The following MAPRE2 variants were observed in gnomAD, a reference collection of about 807,000 sequenced individuals.
MAPRE2 encodes microtubule-associated protein RP/EB family member 2.
MAPRE2 carries 13 observed loss-of-function variants against 43.2 expected under a neutral mutation model. The ratio of observed to expected loss-of-function variants is 0.30; its 90% CI spans 0.20 to 0.48. MAPRE2 has a LOEUF of 0.48. Among genes scored for constraint, MAPRE2 ranks in the 20% least tolerant of loss-of-function variants. The probability of loss-of-function intolerance (pLI) is 0.99; values close to 1 mark genes in which losing one functional copy is unlikely to be tolerated. For missense variants in MAPRE2, 161 were observed against 400.2 expected, an observed-to-expected ratio of 0.40 and a Z score of 5.10; for synonymous variants, 135 against 148.8, an observed-to-expected ratio of 0.91 and a Z score of 0.68.
chr18:35,117,944 C>G (rs1310675110), intron 4 of MAPRE2, among the ~76,000 whole-genome samples: 1 of 152,134 alleles, frequency 6.6e-6, no homozygotes, highest in African/African-American at 2.4e-5. Flanking sequence ...CTGCATTTTT[C>G]CCCCTGTGAA....
chr18:35,059,310 C>A (rs369645184), intron 1 of MAPRE2, among the ~76,000 whole-genome samples: 2 of 151,414 alleles, frequency 1.3e-5, no homozygotes, highest in Admixed American at 6.5e-5. Context: ...CCAGACATTT[C>A]CCTACTCACC....
intron 1 of MAPRE2, among the ~76,000 whole-genome samples, chr18:34,989,765 C>T (rs959735272): frequency 2.0e-5 from 3 of 151,932 alleles, no homozygotes; most frequent in Non-Finnish European, 4.4e-5. Flanking sequence ...GCATCAGCAT[C>T]ACCTGGGAGC....
In MAPRE2 at chr18:34,985,272, A is replaced by ATATATTATAT. The variant is rs2097019179; in HGVS notation, c.-70+8193_-70+8194insTATATTATAT. On this transcript the variant is annotated intron_variant, in intron 1 of 7. Transcript: ENST00000413393. Reference sequence around the variant, plus strand: ...AAATATATAATATAATATATTATATAATATAATATATTATATATTATATTA... The same window carrying ATATATTATAT: ...AAATATATAATATAATATATTATATATATATTATATATATAATATATTATATATTATATTA... Among the ~76,000 whole-genome samples, 31 of 27,872 alleles carry ATATATTATAT rather than the reference A, an allele frequency of 1.1e-3. 3 individuals carry two copies. Among genetic ancestry groups the ATATATTATAT allele is most frequent in the Admixed American group, 3.2e-3 (4 of 1,268 alleles). 18.3% of individuals were successfully genotyped at this position (27,872 alleles called of 152,430 possible).
At chr18:35,083,551 A>C (rs550679320) in intron 2 of MAPRE2, among the ~76,000 whole-genome samples, 24 of 152,174 alleles carry the variant, frequency 1.6e-4, no homozygotes, top group Non-Finnish European at 3.2e-4. Flanking sequence ...GAAGCCAGTG[A>C]CATTTTGTCC....
intron 1 of MAPRE2, among the ~76,000 whole-genome samples, chr18:34,980,226 T>C (rs901785980): frequency 1.3e-5 from 2 of 151,984 alleles, no homozygotes; most frequent in Non-Finnish European, 2.9e-5. Context: ...GGTTTCACCA[T>C]GTTGGCCAGG....
intron 1 of MAPRE2, among the ~76,000 whole-genome samples, chr18:34,993,253 G>T (rs757977302): frequency 7.0e-6 from 1 of 143,352 alleles, no homozygotes; most frequent in Admixed American, 6.9e-5. Context: ...CACCATTCCC[G>T]CCTTTTTTTT....
intron 1 of MAPRE2, among the ~76,000 whole-genome samples, chr18:35,063,900 A>G (rs2150617373): frequency 6.7e-6 from 1 of 148,496 alleles, no homozygotes; most frequent in Non-Finnish European, 1.5e-5. Flanking sequence ...TGAGAGGCTG[A>G]GCTAAGAGCA....
intron 4 of MAPRE2, among the ~76,000 whole-genome samples, chr18:35,118,962 G>C (rs1909546024): frequency 6.6e-6 from 1 of 152,148 alleles, no homozygotes; most frequent in Admixed American, 6.5e-5. Flanking sequence ...TACTGTGAGA[G>C]ACCTTGAAGA....
chr18:35,073,216 T>C (rs1191576611), intron 2 of MAPRE2, among the ~76,000 whole-genome samples: 1 of 152,204 alleles, frequency 6.6e-6, no homozygotes, highest in Non-Finnish European at 1.5e-5. Flanking sequence ...CAAACGTCCT[T>C]GGAAGTTTCC....
At chr18:35,022,595 T>C (rs948768318) in intron 2 of MAPRE2, among the ~76,000 whole-genome samples, 7 of 152,194 alleles carry the variant, frequency 4.6e-5, no homozygotes, top group African/African-American at 1.4e-4. Context: ...AATGAGAGGA[T>C]TATATTGCCT....
At chr18:35,030,410 G>A (rs971200209) in intron 2 of MAPRE2, among the ~76,000 whole-genome samples, 1 of 152,194 alleles carries the variant, frequency 6.6e-6, no homozygotes, top group Non-Finnish European at 1.5e-5. Context: ...AGACCTTAGT[G>A]GAAGGTAGAC....
chr18:35,046,291 C>T (rs992708354), intron 1 of MAPRE2, among the ~76,000 whole-genome samples: 1 of 152,172 alleles, frequency 6.6e-6, no homozygotes, highest in Non-Finnish European at 1.5e-5. Context: ...TGGAAAACCG[C>T]TCATTTTGTA....
intron 2 of MAPRE2, among the ~76,000 whole-genome samples, chr18:35,035,892 C>G (rs183448233): frequency 1.5e-5 from 2 of 135,216 alleles, no homozygotes; most frequent in Admixed American, 1.7e-4. Context: ...CTGTAATGAC[C>G]ACCTGTTACG....
At chr18:35,053,951 A>C (rs777232604) in intron 1 of MAPRE2, among the ~76,000 whole-genome samples, 4 of 152,226 alleles carry the variant, frequency 2.6e-5, no homozygotes, top group Non-Finnish European at 5.9e-5. Flanking sequence ...ACATTTTAAA[A>C]ACTAAGTAAA....
At chr18:35,072,039 A>G (rs1453360768) in intron 2 of MAPRE2, among the ~76,000 whole-genome samples, 1 of 152,204 alleles carries the variant, frequency 6.6e-6, no homozygotes, top group Non-Finnish European at 1.5e-5. Flanking sequence ...GATCTACTGA[A>G]ATGTCTCTAA....
In MAPRE2 at chr18:35,022,387, G is replaced by A. The variant is rs143962308; in HGVS notation, c.-8+16834G>A. Among the ~76,000 whole-genome samples, 393 of 110,026 alleles carry A rather than the reference G, an allele frequency of 3.6e-3. 2 individuals are homozygous for A. Among genetic ancestry groups the A allele is most frequent in the African/African-American group, 0.01 (372 of 35,918 alleles). The allele number at this position is 110,026 out of a possible 152,430, so 72.2% of individuals were successfully genotyped here. On this transcript the variant is annotated intron_variant, in intron 2 of 7. Coordinates refer to the MAPRE2 transcript ENST00000413393. Reference sequence around the variant, plus strand: ...TGGTTTATACTTAGACCTAGAATCTGAGTATTTTTTATCATAAGATAACGG... The same window carrying A: ...TGGTTTATACTTAGACCTAGAATCTAAGTATTTTTTATCATAAGATAACGG...
At chr18:35,038,088 C>G (rs894245278), upstream of MAPRE2, among the ~76,000 whole-genome samples, 39 of 151,124 alleles carry the variant, frequency 2.6e-4, 1 homozygote, top group Admixed American at 7.2e-4. Context: ...GTAGATTCCT[C>G]AGAGCTAGCT....
chr18:35,020,647 C>T (rs1332585236), intron 2 of MAPRE2, among the ~76,000 whole-genome samples: 3 of 151,926 alleles, frequency 2.0e-5, no homozygotes, highest in Non-Finnish European at 4.4e-5. Context: ...AAGGTGTCTT[C>T]GAATAAGACT....
intron 1 of MAPRE2, among the ~76,000 whole-genome samples, chr18:35,046,464 A>G (rs900372127): frequency 6.6e-6 from 1 of 152,244 alleles, no homozygotes; most frequent in Non-Finnish European, 1.5e-5. Context: ...GCTGAAAAGA[A>G]TGTAGGCTTT....
Sources: allele counts gnomAD v4.1 joint callset (sites outside exome capture counted in the v4.1 genomes callset), GRCh38; gene constraint gnomAD v4.1.1; transcripts MANE v1.5; gene names NCBI Gene and HGNC (gene_info 2026-07-23, HGNC 2026-07-21).